The following WDFY4 variants were observed in gnomAD, a reference collection of about 807,000 sequenced individuals.
WDFY4 encodes WD repeat- and FYVE domain-containing protein 4.
A neutral mutation model predicts 351.9 loss-of-function variants in WDFY4; 169 were observed. The observed-to-expected ratio is 0.48, with a 90% CI of 0.42 to 0.55. The LOEUF (loss-of-function observed/expected upper bound fraction) is 0.55. Ranked by LOEUF, WDFY4 falls within the 20% of genes least tolerant of loss-of-function variation. WDFY4 has a pLI of 0.00. For missense variants in WDFY4, 3,803 were observed against 3,935.6 expected (o/e 0.97, Z 0.90); for synonymous variants, 1,622 against 1,574.6 (o/e 1.03, Z -0.71).
Position 48,974,880 on chromosome 10 carries a change from C to A in WDFY4, c.8947C>A (p.Gln2983Lys). The A allele has an allele frequency of 6.5e-7, 1 of 1,548,366 alleles. No individual in the cohort carries two copies. ...TCCCCAGGCCTTGTATGGACACACA[C>A]AGGCTGTCACGTGCCTGGCAGCGTC... ...RLRQALYGHT[Q>K]AVTCLAASVT... is the part of the protein sequence containing the mutation. The change falls in exon 58 of 62, where the codon CAG becomes AAG. Residue 2983 changes from glutamine to lysine, a missense_variant. By Grantham distance (53) the Gln-to-Lys change is moderately conservative (BLOSUM62 1). This residue lies in a region of WDFY4 where 3,054 missense variants were observed against 3,148.6 expected (regional missense o/e 0.97). Transcript: ENST00000325239.
intron 25 of WDFY4, chr10:48,804,895 C>A: frequency 1.9e-6 from 1 of 522,352 alleles, no homozygotes; most frequent in Non-Finnish European, 2.5e-6. Flanking sequence ...AGTGAAGGGC[C>A]CTGCACTCCT....
rs566727714 is a variant in WDFY4, at chr10:48,824,288, T to C, written c.5982+1751T>C. The C allele has an allele frequency of 3.4e-5, 24 of 696,614 alleles. No individual in the cohort carries two copies. The African/African-American group carries it at 4.3e-4, about 12-fold the overall frequency. The allele number at this position is 696,614 out of a possible 1,614,324, so 43.2% of individuals were successfully genotyped here. ...CCGTACAGTGGGGTAACTTAGCGTC[T>C]ATGGTGTTTTTATGACAAACAGGCA... is the stretch of plus-strand genomic sequence containing the variant. On this transcript the variant is annotated intron_variant, in intron 35 of 61. Transcript: ENST00000325239.
intron 48 of WDFY4, among the ~76,000 whole-genome samples, chr10:48,942,219 C>CT: frequency 6.6e-6 from 1 of 152,208 alleles, no homozygotes; most frequent in East Asian, 1.9e-4. Flanking sequence ...CCCACCTCAG[C>CT]CACCCAAAGG....
At chr10:48,811,439 G>T in intron 29 of WDFY4, 100 bp from the exon 30 acceptor site, 1 of 1,002,558 alleles carries the variant, frequency 1.0e-6, no homozygotes, top group Non-Finnish European at 1.5e-6. Context: ...CATTTCTATG[G>T]GATGGGTGGG....
chr10:48,727,088 T>G (rs1258388687), intron 6 of WDFY4, among the ~76,000 whole-genome samples: 2 of 152,184 alleles, frequency 1.3e-5, no homozygotes, highest in East Asian at 3.9e-4. Context: ...TGTTCATACA[T>G]CCTCCCCTGC....
chr10:48,822,296 G>A (rs976726515), intron 34 of WDFY4, 84 bp from the exon 35 acceptor site: 1 of 1,379,112 alleles, frequency 7.3e-7, no homozygotes. Context: ...ATAAGATGCA[G>A]TTGGTCACTA....
At chr10:48,693,315 C>G (rs1427665783) in intron 1 of WDFY4, among the ~76,000 whole-genome samples, 1 of 152,098 alleles carries the variant, frequency 6.6e-6, no homozygotes, top group Non-Finnish European at 1.5e-5. Context: ...TATGGTGCAG[C>G]CAGGGGACAG....
In WDFY4 at chr10:48,970,272, G is replaced by A. The variant is rs775149046; in HGVS notation, c.8911G>A (p.Gly2971Ser). ...CAGCATGACCAAAGGCCGCCCGAGG[G>A]GCTTGCGCCTCCGGCAGGTATGGTC... ...ELSMTKGRPR[G>S]LRLRQALYGH... The change falls in exon 57 of 62, where the codon GGC (glycine) becomes AGC (serine). Residue 2971 changes from glycine to serine, a missense_variant. This residue lies in a region of WDFY4 where 3,054 missense variants were observed against 3,148.6 expected (regional missense o/e 0.97). Transcript: ENST00000325239. The A allele has an allele frequency of 1.3e-6, 2 of 1,551,146 alleles. No homozygotes were observed.
intron 39 of WDFY4, among the ~76,000 whole-genome samples, chr10:48,856,396 T>A (rs1006516782): frequency 2.6e-5 from 4 of 152,272 alleles, no homozygotes; most frequent in Admixed American, 6.5e-5. Flanking sequence ...TATCCAGTTA[T>A]CTGAAGAGAC....
chr10:48,942,401 C>T (rs149674141), intron 48 of WDFY4, among the ~76,000 whole-genome samples: 87 of 151,748 alleles, frequency 5.7e-4, no homozygotes, highest in African/African-American at 1.8e-3. Flanking sequence ...TGTGCGCGCA[C>T]GCGCATGTGC....
rs756422759 is a variant in WDFY4, at chr10:48,964,002, T to C, written c.8384T>C (p.Ile2795Thr). 2 of 1,550,342 alleles carry C rather than the reference T, an allele frequency of 1.3e-6. No individual in the cohort carries two copies. The highest frequency in any genetic ancestry group is 4.9e-5 in the East Asian group (2 of 40,926). ...MDLSSITDPL[I>T]KSTILGFVSN... The stretch of plus-strand genomic sequence containing the variant: ...CTCAGCAGCATCACTGACCCCCTCA[T>C]CAAAAGCACCATCCTGGGGTTTGTC... The change falls in exon 54 of 62, where the codon ATC (isoleucine) becomes ACC (threonine). Residue 2795 changes from isoleucine (I) to threonine (T), a missense_variant. By Grantham distance (89) the Ile-to-Thr change is moderately conservative. Around this residue, in one of 3 missense-constraint regions of WDFY4, gnomAD observed 3,054 missense variants for 3,148.6 expected, o/e 0.97. Transcript: ENST00000325239.
chr10:48,740,875 C>T (rs905453386), intron 11 of WDFY4, among the ~76,000 whole-genome samples: 1 of 152,212 alleles, frequency 6.6e-6, no homozygotes, highest in African/African-American at 2.4e-5. Flanking sequence ...ACAGATCTAA[C>T]CACTGTGAGT....
At chr10:48,694,193 C>T (rs531946728) in intron 1 of WDFY4, among the ~76,000 whole-genome samples, 1 of 152,262 alleles carries the variant, frequency 6.6e-6, no homozygotes, top group African/African-American at 2.4e-5. Context: ...CTGTCATTTT[C>T]CTTCTCTGGG....
At chr10:48,686,810 A>G (rs2063062665) in intron 1 of WDFY4, among the ~76,000 whole-genome samples, 1 of 152,108 alleles carries the variant, frequency 6.6e-6, no homozygotes, top group African/African-American at 2.4e-5. Flanking sequence ...TATTATAAGC[A>G]GTGCCGCTAG....
intron 49 of WDFY4, among the ~76,000 whole-genome samples, chr10:48,943,712 T>C (rs1379686666): frequency 1.3e-5 from 2 of 152,010 alleles, no homozygotes; most frequent in African/African-American, 4.8e-5. Flanking sequence ...CCTGCCTCAG[T>C]CTCCTGAGTA....
At chr10:48,969,829 G>T (rs12776286) in intron 56 of WDFY4, among the ~76,000 whole-genome samples, 1 of 152,022 alleles carries the variant, frequency 6.6e-6, no homozygotes, top group Non-Finnish European at 1.5e-5. Flanking sequence ...ACTTCTTGAG[G>T]CAGGCATGGA....
At chr10:48,843,288 A>T (rs1197720205) in intron 39 of WDFY4, among the ~76,000 whole-genome samples, 2 of 152,230 alleles carry the variant, frequency 1.3e-5, no homozygotes, top group Admixed American at 6.5e-5. Context: ...GGCTGTGTTT[A>T]TATGCCATAT....
intron 39 of WDFY4, among the ~76,000 whole-genome samples, chr10:48,848,857 T>C (rs2068864890): frequency 6.6e-6 from 1 of 152,208 alleles, no homozygotes; most frequent in African/African-American, 2.4e-5. Flanking sequence ...CTCGCACAGG[T>C]GTGGCTCCTC....
intron 11 of WDFY4, among the ~76,000 whole-genome samples, chr10:48,741,924 T>C (rs1458612688): frequency 6.6e-6 from 1 of 152,188 alleles, no homozygotes; most frequent in Middle Eastern, 3.2e-3. Context: ...TCCAATGCAA[T>C]TTATCTGATC....
Sources: gnomAD v4.1 joint callset for allele counts (sites outside exome capture counted in the v4.1 genomes callset) on GRCh38, gnomAD v4.1.1 for gene constraint, gnomAD v4.1.1 regional missense constraint, MANE v1.5 for transcripts, NCBI Gene and HGNC (gene_info 2026-07-23, HGNC 2026-07-21) for gene names.